Variants in OSBP observed in about 807,000 individuals in gnomAD.
The protein encoded by OSBP is oxysterol binding protein, also known as oxysterol-binding protein 1.
A neutral mutation model predicts 96.6 loss-of-function variants in OSBP; 32 were observed. The observed-to-expected ratio is 0.33, with a 90% confidence interval of 0.25 to 0.45. The LOEUF (loss-of-function observed/expected upper bound fraction) is 0.45. Among genes scored for constraint, OSBP ranks in the 20% least tolerant of loss-of-function variants. OSBP has a pLI of 1.00. For synonymous variants in OSBP, 369 were observed against 389.6 expected, an observed-to-expected ratio of 0.95 and a Z score of 0.62; for missense variants, 653 against 1,029.7, an observed-to-expected ratio of 0.63 and a Z score of 5.01.
At chr11:59,593,907 G>A (rs1305369354) in intron 8 of OSBP, 103 bp downstream of exon 8, 3 of 1,467,658 alleles carry the variant, frequency 2.0e-6, no homozygotes, top group Non-Finnish European at 1.8e-6. Context: ...AAGCTGGGAT[G>A]ACAGGGACTA....
chr11:59,591,071 T>C (rs60695388), intron 9 of OSBP, among the ~76,000 whole-genome samples: 4,996 of 152,326 alleles, frequency 0.033, 235 homozygotes, highest in African/African-American at 0.1. Flanking sequence ...AGGATCCCGG[T>C]GATCCAAATT....
chr11:59,613,073 T>C (rs1159804711), intron 1 of OSBP, among the ~76,000 whole-genome samples: 1 of 152,200 alleles, frequency 6.6e-6, no homozygotes, highest in Non-Finnish European at 1.5e-5. Flanking sequence ...TGACAACTTG[T>C]CTAAATAATT....
intron 9 of OSBP, among the ~76,000 whole-genome samples, chr11:59,588,881 T>C (rs898261020): frequency 6.6e-6 from 1 of 151,908 alleles, no homozygotes; most frequent in Non-Finnish European, 1.5e-5. Context: ...GGTGCACGCC[T>C]GTAGTCCCAG....
rs77944404 is a variant in OSBP at position 59,592,319 on chromosome 11, C to G, written c.1678+1285G>C. Among the ~76,000 whole-genome samples, 489 of 152,320 alleles carry G rather than the reference C, an allele frequency of 3.2e-3. 4 individuals are homozygous for G. Among genetic ancestry groups the G allele is most frequent in the African/African-American group, 0.011 (439 of 41,576 alleles). ...GGTAACACTGCAATTTCTTTTCTCC[C>G]TTTACATATGTTAGAAAACATTTAT... is the stretch of plus-strand genomic sequence containing the variant. On this transcript the variant is annotated intron_variant, in intron 9 of 13. Transcript: ENST00000263847.
chr11:59,578,411 T>C, intron 11 of OSBP, 81 bp from the exon 12 acceptor site: 2 of 1,346,704 alleles, frequency 1.5e-6, no homozygotes, highest in African/African-American at 1.4e-5. Context: ...AGTCCTAGGA[T>C]AAATAATGGT....
chr11:59,595,757 T>C (rs577246008), intron 7 of OSBP, among the ~76,000 whole-genome samples: 4 of 151,244 alleles, frequency 2.6e-5, no homozygotes, highest in African/African-American at 9.7e-5. Flanking sequence ...CTGGGAAACA[T>C]GGCAAAACAC....
chr11:59,607,689 TA>T lies in OSBP; in HGVS notation c.822+794del, dbSNP rs145837841. Among the ~76,000 whole-genome samples, 259 of 152,294 alleles carry T rather than the reference TA, an allele frequency of 1.7e-3. 2 individuals carry two copies. Among genetic ancestry groups the T allele is most frequent in the African/African-American group, 6.0e-3 (250 of 41,572 alleles). On this transcript the variant is annotated intron_variant, in intron 3 of 13. Coordinates refer to ENST00000263847, the MANE Select transcript of OSBP (RefSeq NM_002556.3). ...AAACAACCTGCCAGGCAAGAATCAGTAGAGGAAAAGCAGCACTGTTTAAACC... is the reference window on the plus strand; with the variant it reads ...AAACAACCTGCCAGGCAAGAATCAGTGAGGAAAAGCAGCACTGTTTAAACC...
At chr11:59,583,822 TAG>T (rs1860456318) in intron 9 of OSBP, among the ~76,000 whole-genome samples, 1 of 151,588 alleles carries the variant, frequency 6.6e-6, no homozygotes, top group African/African-American at 2.4e-5. Flanking sequence ...GTATTTTTAG[TAG>T]AGACAGGGTT....
Position 59,581,527 on chromosome 11 carries a change from G to C in OSBP, c.1706C>G (p.Thr569Ser). The C allele has an allele frequency of 1.9e-6, 3 of 1,611,852 alleles. No homozygotes were observed. The highest frequency in any genetic ancestry group is 2.5e-6 in the Non-Finnish European group (3 of 1,178,064). Residue 569 changes from threonine to serine, a missense_variant, in exon 10 of 14, where the codon ACT (threonine) becomes AGT (serine). Around this residue, in one of 6 missense-constraint regions of OSBP, gnomAD observed 19 missense variants for 16.1 expected, o/e 1.18. Coordinates refer to ENST00000263847, the MANE Select transcript of OSBP (RefSeq NM_002556.3). ...TTTCTTCCAAGTGTAGTGGTGCCCA[G>C]TTGCATGGAAAATACAATGAATGGT... ...LGTIHCIFHA[T>S]GHHYTWKKVT...
At chr11:59,591,554 A>C (rs952275847) in intron 9 of OSBP, among the ~76,000 whole-genome samples, 75 of 152,076 alleles carry the variant, frequency 4.9e-4, no homozygotes, top group African/African-American at 1.5e-3. Context: ...CTATATAAAT[A>C]GGTATTATAT....
chr11:59,600,014 G>C (rs1860701129), intron 7 of OSBP, among the ~76,000 whole-genome samples: 1 of 152,144 alleles, frequency 6.6e-6, no homozygotes, highest in African/African-American at 2.4e-5. Flanking sequence ...GACATGACGG[G>C]GCAGAGAGGT....
In OSBP at chr11:59,577,014, T is replaced by C; in HGVS notation, c.2072A>G (p.Glu691Gly). 1 of 1,611,698 alleles carries C rather than the reference T, an allele frequency of 6.2e-7. No homozygotes were observed. The highest frequency in any genetic ancestry group is 1.1e-5 in the South Asian group (1 of 90,592). The change falls in exon 13 of 14, where the codon GAA becomes GGA. Residue 691 changes from glutamate (E) to glycine (G), a missense_variant. Transcript: ENST00000263847. ...AAGCTCTGAGAAGTAGTACATGTTT[T>C]CTGCATTCTTCCTAAAAGTAGAAGA... ...WKRNPLPKNAENMYYFSELAL... is the reference protein window; with the variant it reads ...WKRNPLPKNAGNMYYFSELAL...
At chr11:59,601,149 G>C (rs1034853196) in intron 5 of OSBP, 134 bp downstream of exon 5, 19 of 520,962 alleles carry the variant, frequency 3.6e-5, no homozygotes, top group Non-Finnish European at 6.3e-5. Context: ...AAAGGGCCCA[G>C]ATTCAATATT....
chr11:59,595,715 G>A (rs781165181), intron 7 of OSBP, among the ~76,000 whole-genome samples: 21 of 151,776 alleles, frequency 1.4e-4, no homozygotes, highest in African/African-American at 2.7e-4. Context: ...TGAGGCAAGC[G>A]GATTGCTTGT....
chr11:59,596,063 T>G (rs1432433808), intron 7 of OSBP, among the ~76,000 whole-genome samples: 2 of 152,040 alleles, frequency 1.3e-5, no homozygotes, highest in African/African-American at 4.8e-5. Flanking sequence ...GTGAACATTT[T>G]CCAGTGAACA....
At chr11:59,585,837 G>T (rs959439869) in intron 9 of OSBP, among the ~76,000 whole-genome samples, 1 of 152,226 alleles carries the variant, frequency 6.6e-6, no homozygotes, top group African/African-American at 2.4e-5. Context: ...AAATTCTTCT[G>T]CCTTGGGATC....
At chr11:59,577,477 G>T (rs1036558185) in intron 12 of OSBP, among the ~76,000 whole-genome samples, 1 of 151,992 alleles carries the variant, frequency 6.6e-6, no homozygotes, top group Non-Finnish European at 1.5e-5. Flanking sequence ...CTTTTCTGCT[G>T]GGCTTTTTTT....
intron 9 of OSBP, among the ~76,000 whole-genome samples, chr11:59,581,961 G>C (rs1413932384): frequency 6.6e-6 from 1 of 152,206 alleles, no homozygotes; most frequent in East Asian, 1.9e-4. Context: ...CTAGCTGTGT[G>C]ACCTTAAACA....
intron 7 of OSBP, among the ~76,000 whole-genome samples, chr11:59,598,435 C>T (rs1860683370): frequency 6.6e-6 from 1 of 152,202 alleles, no homozygotes; most frequent in Non-Finnish European, 1.5e-5. Flanking sequence ...TTCTTCCATT[C>T]TTCTACAACT....
Sources: allele counts gnomAD v4.1 joint callset (sites outside exome capture counted in the v4.1 genomes callset), GRCh38; gene constraint gnomAD v4.1.1; regional missense constraint gnomAD v4.1.1; transcripts MANE v1.5; gene names NCBI Gene and HGNC (gene_info 2026-07-23, HGNC 2026-07-21).